Variants in MGAT4C observed in about 807,000 individuals in gnomAD.
MGAT4C encodes the protein alpha-1,3-mannosyl-glycoprotein 4-beta-N-acetylglucosaminyltransferase C.
MGAT4C carries 19 observed loss-of-function variants against 40.1 expected under a neutral mutation model. The ratio of observed to expected loss-of-function variants is 0.47; its 90% CI spans 0.33 to 0.70. MGAT4C has a LOEUF of 0.70. Ranked by LOEUF, MGAT4C falls within the 30% of genes least tolerant of loss-of-function variation. The probability of loss-of-function intolerance (pLI) is 0.02; values close to 1 mark genes in which losing one functional copy is unlikely to be tolerated. For missense variants in MGAT4C, 491 were observed against 563.2 expected (o/e 0.87, Z 1.30); for synonymous variants, 181 against 187.1 (o/e 0.97, Z 0.27).
intron 2 of MGAT4C, among the ~76,000 whole-genome samples, chr12:86,687,587 G>C (rs1195357925): frequency 6.6e-6 from 1 of 152,008 alleles, no homozygotes; most frequent in Non-Finnish European, 1.5e-5. Flanking sequence ...ACTTTATTTT[G>C]TTATTTACGC....
At chr12:86,603,549 ATAATATATAGT>A (rs1961897769) in intron 2 of MGAT4C, among the ~76,000 whole-genome samples, 3 of 4,336 alleles carry the variant, frequency 6.9e-4, no homozygotes, top group South Asian at 0.045. Flanking sequence ...TAGACTATAG[ATAATATATAGT>A]CTATAGACTA....
intron 1 of MGAT4C, among the ~76,000 whole-genome samples, chr12:86,744,664 G>T (rs1338757905): frequency 6.6e-6 from 1 of 151,382 alleles, no homozygotes; most frequent in Admixed American, 6.6e-5. Context: ...ACTATTTCAA[G>T]GTGCTTTATT....
intron 1 of MGAT4C, among the ~76,000 whole-genome samples, chr12:86,211,708 AC>A (rs1230563761): frequency 6.6e-6 from 1 of 151,814 alleles, no homozygotes; most frequent in Non-Finnish European, 1.5e-5. Flanking sequence ...TCAAGTTCTA[AC>A]CATTTCCCTT....
chr12:86,737,313 A>G (rs565559591), intron 1 of MGAT4C, among the ~76,000 whole-genome samples: 30 of 147,176 alleles, frequency 2.0e-4, no homozygotes, highest in East Asian at 2.0e-4. Flanking sequence ...AGCAATTGGC[A>G]CCATTGATGA....
At chr12:86,272,910 C>T (rs1226634417) in intron 4 of MGAT4C, among the ~76,000 whole-genome samples, 4 of 151,966 alleles carry the variant, frequency 2.6e-5, no homozygotes, top group African/African-American at 9.7e-5. Context: ...GTACAGATGG[C>T]GGACAAAGGA....
At chr12:86,822,773 A>T (rs1324070496) in intron 1 of MGAT4C, among the ~76,000 whole-genome samples, 2 of 151,144 alleles carry the variant, frequency 1.3e-5, no homozygotes, top group African/African-American at 4.8e-5. Flanking sequence ...CCACACAAAA[A>T]ATCAGTAGAT....
At chr12:86,174,359 T>C (rs957371874) in intron 1 of MGAT4C, among the ~76,000 whole-genome samples, 9 of 152,100 alleles carry the variant, frequency 5.9e-5, no homozygotes, top group Admixed American at 1.3e-4. Context: ...TGTTTTAATC[T>C]TAACAGTTGT....
chr12:86,107,499 G>A (rs947878432), intron 1 of MGAT4C, among the ~76,000 whole-genome samples: 10 of 152,094 alleles, frequency 6.6e-5, no homozygotes, highest in Non-Finnish European at 1.0e-4. Flanking sequence ...AATATAAAAC[G>A]TATATGCTCT....
chr12:86,516,053 C>A (rs1243108108), intron 2 of MGAT4C, among the ~76,000 whole-genome samples: 1 of 151,800 alleles, frequency 6.6e-6, no homozygotes, highest in African/African-American at 2.4e-5. Flanking sequence ...CCATTTAAAG[C>A]AATTCTTATC....
intron 1 of MGAT4C, among the ~76,000 whole-genome samples, chr12:86,739,481 T>C (rs1341984866): frequency 6.6e-6 from 1 of 150,870 alleles, no homozygotes; most frequent in East Asian, 1.9e-4. Context: ...TCCATATACA[T>C]GGGTTCTACA....
intron 2 of MGAT4C, among the ~76,000 whole-genome samples, chr12:86,478,513 G>A (rs1008195844): frequency 2.0e-5 from 3 of 152,060 alleles, no homozygotes; most frequent in African/African-American, 7.2e-5. Context: ...TGGCAAATTT[G>A]CTGATATTGT....
At chr12:86,064,282 A>T (rs894512835) in intron 1 of MGAT4C, among the ~76,000 whole-genome samples, 9 of 152,202 alleles carry the variant, frequency 5.9e-5, no homozygotes, top group African/African-American at 2.2e-4. Flanking sequence ...CGGGAGCCTG[A>T]GGCAGGAGAA....
At chr12:86,372,083 T>C (rs1955726443) in intron 3 of MGAT4C, among the ~76,000 whole-genome samples, 1 of 151,902 alleles carries the variant, frequency 6.6e-6, no homozygotes, top group South Asian at 2.1e-4. Context: ...TTATGTATAG[T>C]AATCATATTA....
chr12:86,788,030 A>G (rs1951962025), intron 1 of MGAT4C, among the ~76,000 whole-genome samples: 1 of 152,046 alleles, frequency 6.6e-6, no homozygotes, highest in Non-Finnish European at 1.5e-5. Context: ...TGACAAAATG[A>G]TCAGATTCAT....
intron 4 of MGAT4C, among the ~76,000 whole-genome samples, chr12:86,284,530 A>G (rs1232169680): frequency 6.6e-6 from 1 of 151,956 alleles, no homozygotes; most frequent in South Asian, 2.1e-4. Context: ...CCTGGTGAAA[A>G]TATTTTATAA....
chr12:86,243,198 C>T (rs1951860039), intron 1 of MGAT4C, among the ~76,000 whole-genome samples: 1 of 152,166 alleles, frequency 6.6e-6, no homozygotes, highest in African/African-American at 2.4e-5. Context: ...CTCCAATAAT[C>T]AATTTTTCTT....
At chr12:86,728,606 G>A (rs1950860979) in intron 1 of MGAT4C, among the ~76,000 whole-genome samples, 1 of 152,140 alleles carries the variant, frequency 6.6e-6, no homozygotes, top group African/African-American at 2.4e-5. Flanking sequence ...CAGGAGAATC[G>A]CTTGAACCCG....
chr12:86,451,474 C>T (rs2136287400), intron 2 of MGAT4C, among the ~76,000 whole-genome samples: 1 of 152,170 alleles, frequency 6.6e-6, no homozygotes. Flanking sequence ...CCTTTAAGCT[C>T]CTTTTGTAGA....
At chr12:86,404,384 C>T (rs1956424816) in intron 3 of MGAT4C, among the ~76,000 whole-genome samples, 1 of 152,052 alleles carries the variant, frequency 6.6e-6, no homozygotes, top group Admixed American at 6.6e-5. Context: ...GAAAAAGGGT[C>T]TTTGCATATG....
Sources: gnomAD v4.1 joint callset for allele counts (sites outside exome capture counted in the v4.1 genomes callset) on GRCh38, gnomAD v4.1.1 for gene constraint, MANE v1.5 for transcripts, NCBI Gene and HGNC (gene_info 2026-07-23, HGNC 2026-07-21) for gene names.